The following DNM1 variants were observed in gnomAD, a reference collection of about 807,000 sequenced individuals.
DNM1 encodes dynamin 1, also known as dynamin-1.
DNM1 carries 29 observed loss-of-function variants against 104.6 expected under a neutral mutation model. The ratio of observed to expected loss-of-function variants is 0.28; its 90% CI spans 0.21 to 0.38. The LOEUF (loss-of-function observed/expected upper bound fraction) is 0.38. Ranked by LOEUF, DNM1 falls within the 10% of genes least tolerant of loss-of-function variation. The pLI, the probability that DNM1 is intolerant of heterozygous loss-of-function variation, is 1.00. For missense variants in DNM1, 640 were observed against 1,189.4 expected, an observed-to-expected ratio of 0.54 and a Z score of 6.79; for synonymous variants, 445 against 475.8, an observed-to-expected ratio of 0.94 and a Z score of 0.84.
Position 128,245,285 on chromosome 9 carries a change from G to A in DNM1, c.1672-1109G>A, listed in dbSNP as rs536394080. Among the ~76,000 whole-genome samples the A allele has an allele frequency of 1.3e-5, 2 of 152,142 alleles. No homozygotes were observed. The highest frequency in any genetic ancestry group is 2.4e-5 in the African/African-American group (1 of 41,496). ...GGGCGTTGGGGGCAGAGAGGGGTGG[G>A]CGGGATGACGCCAGGACGGGGGAGC... On this transcript the variant is annotated intron_variant, in intron 15 of 21. Coordinates refer to ENST00000372923, the MANE Select transcript of DNM1 (RefSeq NM_004408.4). This position sits in a 1 kb window ranked among gnomAD's most constrained non-coding sequence, Gnocchi z 5.2.
At position 128,254,567 on chromosome 9, in the gene DNM1, G is replaced by A. The variant is rs545602416; in HGVS notation, c.2535-87G>A. On this transcript the variant is annotated intron_variant, in intron 21 of 21. Coordinates refer to ENST00000372923, the MANE Select transcript of DNM1 (RefSeq NM_004408.4). This position sits in a 1 kb window ranked among gnomAD's most constrained non-coding sequence, Gnocchi z 6.1. ...CTCCCACCACTGCTGCGGCGCGGCC[G>A]GCCCCGGCCGTGTGCTGCGCTTGCC... 145 of 1,421,986 alleles carry A rather than the reference G, an allele frequency of 1.0e-4. No homozygotes were observed. Among genetic ancestry groups the A allele is most frequent in the Middle Eastern group, 5.6e-4 (2 of 3,554 alleles). The allele number at this position is 1,421,986 out of a possible 1,614,324, so 88.1% of individuals were successfully genotyped here.
At chr9:128,211,050 G>C (rs557588769) in intron 1 of DNM1, among the ~76,000 whole-genome samples, 1 of 152,016 alleles carries the variant, frequency 6.6e-6, no homozygotes, top group South Asian at 2.1e-4. Flanking sequence ...GCCCTGGCCA[G>C]AGGCCCCAAG....
intron 10 of DNM1, among the ~76,000 whole-genome samples, chr9:128,225,427 C>T (rs771988187): frequency 3.3e-5 from 5 of 152,174 alleles, no homozygotes; most frequent in East Asian, 1.9e-4. Context: ...GCAGCCTCTG[C>T]GCCACGGTTT....
chr9:128,207,812 T>C (rs1488190756), intron 1 of DNM1, among the ~76,000 whole-genome samples: 4 of 152,138 alleles, frequency 2.6e-5, no homozygotes, highest in African/African-American at 9.7e-5. Context: ...TATCCCTGCC[T>C]GGGCGTAGAC....
intron 1 of DNM1, among the ~76,000 whole-genome samples, chr9:128,213,039 C>T (rs1436438358): frequency 1.3e-5 from 2 of 152,066 alleles, no homozygotes; most frequent in Admixed American, 6.6e-5. Context: ...GTTGGGATGA[C>T]GATTGGTTTT....
Position 128,253,051 on chromosome 9 carries a change from GC to G in DNM1, c.2535-1599del, listed in dbSNP as rs771567058. On this transcript the variant is annotated intron_variant, in intron 21 of 21. Transcript: ENST00000372923. This position sits in a 1 kb window ranked among gnomAD's most constrained non-coding sequence, Gnocchi z 5.9. ...GTGTGTGTCCCCCACCCCCAGGCCG[GC>G]CCCACCCGTGCGTGTGAACTGCCAT... The G allele has an allele frequency of 6.2e-7, 1 of 1,604,130 alleles. No homozygotes were observed. The highest frequency in any genetic ancestry group is 1.1e-5 in the South Asian group (1 of 90,884).
Position 128,218,223 on chromosome 9 carries a change from C to T in DNM1, c.162-8C>T, listed in dbSNP as rs1205557529. The stretch of plus-strand genomic sequence containing the variant: ...CTTGACCCTCCTTTGACCTCCAACT[C>T]ATTGCAGGGACTTCTTGCCTCGAGG... On this transcript the variant is annotated splice_polypyrimidine_tract_variant and splice_region_variant and intron_variant, in intron 1 of 21. Coordinates refer to ENST00000372923, the MANE Select transcript of DNM1 (RefSeq NM_004408.4). This position sits in a 1 kb window ranked among gnomAD's most constrained non-coding sequence, Gnocchi z 4.8. 5.6e-6 allele frequency: 9 copies of T among 1,613,990 alleles called. No homozygotes were observed. The South Asian group carries it at 6.6e-5, about 12-fold the overall frequency.
At chr9:128,229,510 C>T (rs1835540509) in intron 10 of DNM1, among the ~76,000 whole-genome samples, 1 of 147,300 alleles carries the variant, frequency 6.8e-6, no homozygotes, top group Non-Finnish European at 1.5e-5. Context: ...TGTGGGAGGA[C>T]TGCTTGAGCC....
intron 14 of DNM1, among the ~76,000 whole-genome samples, chr9:128,241,198 G>T (rs565750458): frequency 1.3e-4 from 20 of 152,306 alleles, no homozygotes; most frequent in South Asian, 1.0e-3. Context: ...CCAGCCCCAG[G>T]CCTCCTTGGG....
In DNM1 at chr9:128,253,753, A is replaced by G; in HGVS notation, c.2535-901A>G. The G allele has an allele frequency of 2.6e-6, 1 of 381,370 alleles. No homozygotes were observed. The highest frequency in any genetic ancestry group is 4.5e-6 in the Non-Finnish European group (1 of 222,134). 23.6% of individuals were successfully genotyped at this position (381,370 alleles called of 1,614,324 possible). A position where few individuals can be genotyped will look rare whatever the true frequency, so the allele number is the denominator to read the frequency against. On this transcript the variant is annotated intron_variant, in intron 21 of 21. Coordinates refer to ENST00000372923, the MANE Select transcript of DNM1 (RefSeq NM_004408.4). This position sits in a 1 kb window ranked among gnomAD's most constrained non-coding sequence, Gnocchi z 5.9. ...CCACGACATACCTCACAGGCCAGGC[A>G]GGGACACACAGCCCCCTTCCCTCCC...
intron 14 of DNM1, 43 bp from the exon 15 acceptor site, chr9:128,242,189 G>C (rs745673543): frequency 1.7e-6 from 2 of 1,146,784 alleles, no homozygotes; most frequent in Admixed American, 1.8e-5. Flanking sequence ...CCATGGGGAG[G>C]CTCAGGCCCT....
chr9:128,246,569 G>C lies in DNM1; in HGVS notation c.1781+66G>C, dbSNP rs115492588. 1,413 of 1,244,646 alleles carry C rather than the reference G, an allele frequency of 1.1e-3. 10 individuals are homozygous for C. In the African/African-American group the frequency reaches 0.019, roughly 17 times the overall value. The allele number at this position is 1,244,646 out of a possible 1,614,324, so 77.1% of individuals were successfully genotyped here. A position where few individuals can be genotyped will look rare whatever the true frequency, so the allele number is the denominator to read the frequency against. ...ACCACCCTCACTGAGTAGAAGCTGGGTACAGGGATCCAGGGAGGAGAGGAA... is the reference window on the plus strand; with the variant it reads ...ACCACCCTCACTGAGTAGAAGCTGGCTACAGGGATCCAGGGAGGAGAGGAA... On this transcript the variant is annotated intron_variant, in intron 16 of 21. Transcript: ENST00000372923.
chr9:128,254,084 T>C lies in DNM1; in HGVS notation c.2535-570T>C, dbSNP rs1162497735. The C allele has an allele frequency of 1.6e-6, 2 of 1,258,606 alleles. No individual in the cohort carries two copies. The highest frequency in any genetic ancestry group is 2.0e-6 in the Non-Finnish European group (2 of 1,006,600). 78.0% of individuals were successfully genotyped at this position (1,258,606 alleles called of 1,614,324 possible). On this transcript the variant is annotated intron_variant, in intron 21 of 21. Coordinates refer to ENST00000372923, the MANE Select transcript of DNM1 (RefSeq NM_004408.4). The surrounding 1 kb of genome is among the most constrained non-coding windows in gnomAD (Gnocchi z 6.1). ...CTCCCCTCTTAGACTTATAAGTCTA[T>C]GGCCACTGGCATCCGGCTGCCTGCC...
Position 128,245,295 on chromosome 9 carries a change from G to T in DNM1, c.1672-1099G>T, listed in dbSNP as rs917583855. On this transcript the variant is annotated intron_variant, in intron 15 of 21. Transcript: ENST00000372923. The surrounding 1 kb of genome is among the most constrained non-coding windows in gnomAD (Gnocchi z 5.2). ...GGCAGAGAGGGGTGGGCGGGATGAC[G>T]CCAGGACGGGGGAGCAAGGTCCCCC... 6.6e-6 allele frequency among the ~76,000 whole-genome samples: 1 copy of T among 152,044 alleles called. No homozygotes were observed. Among genetic ancestry groups the T allele is most frequent in the South Asian group, 2.1e-4 (1 of 4,820 alleles).
intron 10 of DNM1, chr9:128,226,010 G>A: frequency 4.3e-6 from 7 of 1,610,750 alleles, no homozygotes; most frequent in Non-Finnish European, 5.9e-6. Flanking sequence ...TCCTCCTCCT[G>A]TCCCCACCTC....
intron 10 of DNM1, 118 bp from the exon 11 acceptor site, chr9:128,233,903 T>G: frequency 1.1e-6 from 1 of 887,776 alleles, no homozygotes; most frequent in Non-Finnish European, 1.8e-6. Flanking sequence ...CCCCGCGTTG[T>G]GGGCATTCTG....
intron 9 of DNM1, chr9:128,223,661 C>G (rs1835154476): frequency 6.6e-6 from 1 of 152,238 alleles, no homozygotes. Context: ...AATTTTCAAG[C>G]CATTTCTGGC....
At chr9:128,205,720 C>A (rs954656464) in intron 1 of DNM1, among the ~76,000 whole-genome samples, 1 of 152,112 alleles carries the variant, frequency 6.6e-6, no homozygotes, top group Non-Finnish European at 1.5e-5. Flanking sequence ...TGTAAACATG[C>A]GGGAGGGGGC....
In DNM1 at chr9:128,220,419, C is replaced by G; in HGVS notation, c.849+78C>G. On this transcript the variant is annotated intron_variant, in intron 6 of 21. Coordinates refer to ENST00000372923, the MANE Select transcript of DNM1 (RefSeq NM_004408.4). This position sits in a 1 kb window ranked among gnomAD's most constrained non-coding sequence, Gnocchi z 5.2. Reference sequence around the variant, plus strand: ...AAATTAAGTGTGTTCTGAGAGTGAACAGCAGAGGTTAGCCTCTCCGTAGTG... The same window carrying G: ...AAATTAAGTGTGTTCTGAGAGTGAAGAGCAGAGGTTAGCCTCTCCGTAGTG... 2 of 1,558,732 alleles carry G rather than the reference C, an allele frequency of 1.3e-6. No homozygotes were observed. Among genetic ancestry groups the G allele is most frequent in the Admixed American group, 1.7e-5 (1 of 57,648 alleles).
Sources: allele counts gnomAD v4.1 joint callset (sites outside exome capture counted in the v4.1 genomes callset), GRCh38; gene constraint gnomAD v4.1.1; non-coding constraint Gnocchi (gnomAD v3.1); transcripts MANE v1.5; gene names NCBI Gene and HGNC (gene_info 2026-07-23, HGNC 2026-07-21).